The following CRHR1 variants were observed in gnomAD, a reference collection of about 807,000 sequenced individuals.
The protein encoded by CRHR1 is corticotropin releasing hormone receptor 1, also known as corticotropin-releasing hormone receptor 1.
CRHR1 carries 28 observed loss-of-function variants against 56.0 expected under a neutral mutation model. That is an observed-to-expected ratio of 0.50 (90% CI 0.37 to 0.69). CRHR1 has a LOEUF of 0.69. CRHR1 is among the 30% of genes least tolerant of loss of function. The probability of loss-of-function intolerance (pLI) is 0.00; values close to 1 mark genes in which losing one functional copy is unlikely to be tolerated. For missense variants in CRHR1, 376 were observed against 548.0 expected, an observed-to-expected ratio of 0.69 and a Z score of 3.13; for synonymous variants, 195 against 216.5, an observed-to-expected ratio of 0.90 and a Z score of 0.87.
At chr17:45,816,633 G>C (rs746206222) in intron 3 of CRHR1, 51 bp downstream of exon 3, 1 of 1,610,652 alleles carries the variant, frequency 6.2e-7, no homozygotes, top group Non-Finnish European at 8.5e-7. Flanking sequence ...GGACAGGATG[G>C]GGAGAGCTTG....
intron 1 of CRHR1, among the ~76,000 whole-genome samples, chr17:45,789,266 C>T (rs951567401): frequency 2.6e-5 from 4 of 152,132 alleles, no homozygotes; most frequent in Non-Finnish European, 5.9e-5. Context: ...AAGGCCAGGT[C>T]GAGATTTCAG....
At chr17:45,794,909 G>A (rs2061491299) in intron 1 of CRHR1, among the ~76,000 whole-genome samples, 1 of 152,228 alleles carries the variant, frequency 6.6e-6, no homozygotes, top group African/African-American at 2.4e-5. Context: ...AGGCTCTGGT[G>A]GAGCCTCAGC....
chr17:45,812,195 T>C (rs2061836773), intron 2 of CRHR1, among the ~76,000 whole-genome samples: 1 of 152,236 alleles, frequency 6.6e-6, no homozygotes, highest in East Asian at 1.9e-4. Flanking sequence ...CTGTACTGTT[T>C]AGGGAATAAT....
intron 2 of CRHR1, among the ~76,000 whole-genome samples, chr17:45,815,722 C>A (rs2061914047): frequency 6.6e-6 from 1 of 152,188 alleles, no homozygotes; most frequent in Admixed American, 6.5e-5. Flanking sequence ...AAGTGACTTG[C>A]CTATGATCTC....
At chr17:45,796,097 C>T (rs967480976) in intron 1 of CRHR1, among the ~76,000 whole-genome samples, 13 of 152,298 alleles carry the variant, frequency 8.5e-5, no homozygotes, top group African/African-American at 2.9e-4. Context: ...TTTTCTCTGC[C>T]GACACCGAAA....
intron 4 of CRHR1, among the ~76,000 whole-genome samples, chr17:45,822,960 A>C (rs914636679): frequency 2.0e-5 from 3 of 151,956 alleles, no homozygotes; most frequent in Non-Finnish European, 4.4e-5. Flanking sequence ...CCTGGCCAAC[A>C]TGGTGAAACC....
Position 45,833,762 on chromosome 17 carries a change from C to T in CRHR1, c.978C>T (p.Thr326=), listed in dbSNP as rs772007394. Residue 326 remains threonine (T), a synonymous_variant, in exon 11 of 13, where the codon ACC becomes ACT. Coordinates refer to ENST00000314537, the MANE Select transcript of CRHR1 (RefSeq NM_004382.5). The part of the protein sequence containing the change: ...TLVLLPLLGI[T]YMLFFVNPGE... Reference sequence around the variant, plus strand: ...TGCTGCTGCCCCTCCTGGGCATCACCTACATGCTGTTCTTCGTCAATCCCG... The same window carrying T: ...TGCTGCTGCCCCTCCTGGGCATCACTTACATGCTGTTCTTCGTCAATCCCG... The T allele has an allele frequency of 4.3e-6, 7 of 1,613,424 alleles. No homozygotes were observed. Among genetic ancestry groups the T allele is most frequent in the Non-Finnish European group, 5.9e-6 (7 of 1,179,910 alleles).
chr17:45,794,265 G>A (rs2061478258), intron 1 of CRHR1, among the ~76,000 whole-genome samples: 1 of 152,242 alleles, frequency 6.6e-6, no homozygotes, highest in South Asian at 2.1e-4. Context: ...TCACCGCAGG[G>A]ATGGATTCAC....
chr17:45,797,165 C>T (rs184446309), intron 1 of CRHR1, among the ~76,000 whole-genome samples: 17 of 151,890 alleles, frequency 1.1e-4, no homozygotes, highest in East Asian at 1.9e-4. Flanking sequence ...GCAAGGGGCA[C>T]TTCTGGGAAG....
chr17:45,808,211 C>T (rs556761185), intron 2 of CRHR1, among the ~76,000 whole-genome samples: 1 of 152,254 alleles, frequency 6.6e-6, no homozygotes, highest in Non-Finnish European at 1.5e-5. Context: ...GTGGAAGACG[C>T]ATGCTTGCAA....
chr17:45,784,544 G>A lies in CRHR1; in HGVS notation c.-1G>A. 1 of 1,554,656 alleles carries A rather than the reference G, an allele frequency of 6.4e-7. No individual in the cohort carries two copies. The highest frequency in any genetic ancestry group is 8.7e-7 in the Non-Finnish European group (1 of 1,150,446). On this transcript the variant is annotated 5_prime_UTR_variant, in exon 1 of 13. Coordinates refer to ENST00000314537, the MANE Select transcript of CRHR1 (RefSeq NM_004382.5). The surrounding 1 kb of genome is among the most constrained non-coding windows in gnomAD (Gnocchi z 4.2). Reference sequence around the variant, plus strand: ...AGGACGGTAGCCGAGCGAGCCCGAGGATGGGAGGGCACCCGCAGCTCCGTC... The same window carrying A: ...AGGACGGTAGCCGAGCGAGCCCGAGAATGGGAGGGCACCCGCAGCTCCGTC...
chr17:45,791,372 C>G (rs905654887), intron 1 of CRHR1, among the ~76,000 whole-genome samples: 2 of 152,156 alleles, frequency 1.3e-5, no homozygotes, highest in African/African-American at 4.8e-5. Flanking sequence ...ACTCAGAGCA[C>G]GGGCCTGGCA....
intron 12 of CRHR1, 49 bp from the exon 13 acceptor site, chr17:45,834,575 G>A: frequency 6.4e-7 from 1 of 1,562,410 alleles, no homozygotes; most frequent in Non-Finnish European, 8.7e-7. Flanking sequence ...GGGAGGGAGG[G>A]GGTCCTGAGC....
chr17:45,797,101 G>A (rs2061531559), intron 1 of CRHR1, among the ~76,000 whole-genome samples: 1 of 152,162 alleles, frequency 6.6e-6, no homozygotes, highest in Admixed American at 6.5e-5. Flanking sequence ...CTGGCTTCTG[G>A]GAAAGAGTGG....
chr17:45,817,801 C>G (rs1488125191), intron 3 of CRHR1, among the ~76,000 whole-genome samples: 1 of 146,974 alleles, frequency 6.8e-6, no homozygotes, highest in Non-Finnish European at 1.6e-5. Flanking sequence ...AGAAGACACA[C>G]TGGGAGGGGC....
Position 45,830,862 on chromosome 17 carries a change from A to G in CRHR1, c.710-18A>G. ...CAGCCCCCGCTGAGGGCTCTGTGACAGCCCATCTCTCCCCCAGGTGTGCCC... is the reference window on the plus strand; with the variant it reads ...CAGCCCCCGCTGAGGGCTCTGTGACGGCCCATCTCTCCCCCAGGTGTGCCC... On this transcript the variant is annotated intron_variant, in intron 7 of 12. Coordinates refer to ENST00000314537, the MANE Select transcript of CRHR1 (RefSeq NM_004382.5). 1.9e-6 allele frequency: 3 copies of G among 1,613,134 alleles called. No individual in the cohort carries two copies. The highest frequency in any genetic ancestry group is 2.5e-6 in the Non-Finnish European group (3 of 1,179,464).
intron 2 of CRHR1, among the ~76,000 whole-genome samples, chr17:45,807,999 T>C (rs745603956): frequency 7.2e-5 from 11 of 152,018 alleles, no homozygotes; most frequent in Non-Finnish European, 1.3e-4. Flanking sequence ...TGGGCAAAAA[T>C]GGAGAGGGTC....
chr17:45,827,670 G>C (rs1368173642), intron 4 of CRHR1: 1 of 152,234 alleles, frequency 6.6e-6, no homozygotes, highest in Non-Finnish European at 1.5e-5. Context: ...GTTCCAGAAA[G>C]CCTCTGCCTG....
intron 1 of CRHR1, among the ~76,000 whole-genome samples, chr17:45,785,430 T>C (rs2061318890): frequency 6.6e-6 from 1 of 152,198 alleles, no homozygotes; most frequent in Non-Finnish European, 1.5e-5. Flanking sequence ...AGCGTTTTGG[T>C]TTTGCAGGGT....
Sources: allele counts gnomAD v4.1 joint callset (sites outside exome capture counted in the v4.1 genomes callset), GRCh38; gene constraint gnomAD v4.1.1; non-coding constraint Gnocchi (gnomAD v3.1); transcripts MANE v1.5; gene names NCBI Gene and HGNC (gene_info 2026-07-23, HGNC 2026-07-21).